Variants in CNTNAP2 observed in about 807,000 individuals in gnomAD.
CNTNAP2 encodes contactin associated protein 2, also known as contactin-associated protein-like 2.
CNTNAP2 carries 98 observed loss-of-function variants against 155.2 expected under a neutral mutation model. That is an observed-to-expected ratio of 0.63 (90% CI 0.54 to 0.75). The LOEUF (loss-of-function observed/expected upper bound fraction) is 0.75. Among genes scored for constraint, CNTNAP2 ranks in the 30% least tolerant of loss-of-function variants. CNTNAP2 has a pLI of 0.00. For missense variants in CNTNAP2, 1,727 were observed against 1,688.1 expected (o/e 1.02, Z -0.40); for synonymous variants, 651 against 631.2 (o/e 1.03, Z -0.47).
intron 1 of CNTNAP2, among the ~76,000 whole-genome samples, chr7:146,554,514 C>T (rs1007799890): frequency 5.9e-5 from 9 of 152,102 alleles, no homozygotes; most frequent in Non-Finnish European, 1.3e-4. Flanking sequence ...CTACAAATTC[C>T]TCAAAAGTCC....
chr7:147,028,473 C>T (rs573610608), intron 3 of CNTNAP2, among the ~76,000 whole-genome samples: 3 of 151,916 alleles, frequency 2.0e-5, no homozygotes, highest in South Asian at 4.2e-4. Flanking sequence ...GAGTTGAGGC[C>T]GAGAGAGATG....
At chr7:146,376,648 C>G (rs1795307974) in intron 1 of CNTNAP2, among the ~76,000 whole-genome samples, 1 of 152,040 alleles carries the variant, frequency 6.6e-6, no homozygotes, top group South Asian at 2.1e-4. Flanking sequence ...GTATATTTCT[C>G]ATGCCCCATG....
intron 12 of CNTNAP2, among the ~76,000 whole-genome samples, chr7:147,620,123 G>C (rs1453738292): frequency 6.6e-6 from 1 of 152,236 alleles, no homozygotes; most frequent in Non-Finnish European, 1.5e-5. Flanking sequence ...GCATTACTGG[G>C]CTTGGGGTGC....
chr7:148,375,692 A>G (rs934211413), intron 21 of CNTNAP2, among the ~76,000 whole-genome samples: 35 of 151,940 alleles, frequency 2.3e-4, no homozygotes, highest in South Asian at 1.0e-3. Flanking sequence ...ACTAGCAATC[A>G]TAAGTTTTTT....
Position 148,413,448 on chromosome 7 carries a change from T to TA in CNTNAP2, c.3797-1969_3797-1968insA, listed in dbSNP as rs1563079571. Among the ~76,000 whole-genome samples the TA allele has an allele frequency of 3.9e-5, 4 of 101,472 alleles. 1 individual carries two copies. Among genetic ancestry groups the TA allele is most frequent in the African/African-American group, 1.7e-4 (4 of 23,110 alleles). The allele number at this position is 101,472 out of a possible 152,430, so 66.6% of individuals were successfully genotyped here. A position where few individuals can be genotyped will look rare whatever the true frequency, so the allele number is the denominator to read the frequency against. ...TATATATATATATATATATATATAT[T>TA]GCTCCATAGTTTTCTTGTAACATTT... is the stretch of plus-strand genomic sequence containing the variant. On this transcript the variant is annotated intron_variant, in intron 23 of 23. Coordinates refer to ENST00000361727, the MANE Select transcript of CNTNAP2 (RefSeq NM_014141.6).
chr7:147,366,649 G>A (rs539562736), intron 9 of CNTNAP2, among the ~76,000 whole-genome samples: 37 of 151,652 alleles, frequency 2.4e-4, no homozygotes, highest in African/African-American at 5.8e-4. Flanking sequence ...CTTCTCTTCC[G>A]TTGCATCTCA....
intron 13 of CNTNAP2, among the ~76,000 whole-genome samples, chr7:147,891,976 G>T (rs1455990553): frequency 6.6e-6 from 1 of 152,022 alleles, no homozygotes; most frequent in Non-Finnish European, 1.5e-5. Flanking sequence ...CAACAAAGTC[G>T]ATTTTTTTAA....
At chr7:146,940,346 G>T (rs936673841) in intron 3 of CNTNAP2, among the ~76,000 whole-genome samples, 61 of 151,954 alleles carry the variant, frequency 4.0e-4, no homozygotes, top group African/African-American at 1.4e-3. Flanking sequence ...ACAGTCGCCC[G>T]CCACCACGTC....
intron 1 of CNTNAP2, among the ~76,000 whole-genome samples, chr7:146,525,561 TATCTATCTATCTATCTCTCTATCTATC>T (rs1283709596): frequency 1.9e-3 from 274 of 148,098 alleles, no homozygotes; most frequent in African/African-American, 6.8e-3. Context: ...TCTATCTATC[TATCTATCTATCTATCTCTCTATCTATC>T]ATCTATCTAT....
At chr7:147,261,573 C>T (rs1329863210) in intron 8 of CNTNAP2, among the ~76,000 whole-genome samples, 2 of 151,068 alleles carry the variant, frequency 1.3e-5, no homozygotes, top group East Asian at 3.9e-4. Flanking sequence ...AAAAAACCTA[C>T]CATGAAGAAC....
At chr7:148,056,398 C>T (rs1424301025) in intron 15 of CNTNAP2, 1 of 152,094 alleles carries the variant, frequency 6.6e-6, no homozygotes, top group Non-Finnish European at 1.5e-5. Context: ...ACTTTCTGAC[C>T]CCTAAAAGTG....
chr7:148,192,542 C>T (rs1270927733), intron 18 of CNTNAP2, among the ~76,000 whole-genome samples: 1 of 146,938 alleles, frequency 6.8e-6, no homozygotes, highest in African/African-American at 2.5e-5. Context: ...AAAAAAAAAA[C>T]AAAAAACAAA....
In CNTNAP2 at chr7:147,043,913, C is replaced by T. The variant is rs868783000; in HGVS notation, c.409C>T (p.Pro137Ser). 6.2e-7 allele frequency: 1 copy of T among 1,614,108 alleles called. No homozygotes were observed. The highest frequency in any genetic ancestry group is 8.5e-7 in the Non-Finnish European group (1 of 1,179,984). ...ATACTATTTCCTTTTCCAGGCATTT[C>T]CCGGAAACATTAACTCTGACGGTGT... ...YHQDGNIWAFPGNINSDGVVR... is the reference protein window; with the variant it reads ...YHQDGNIWAFSGNINSDGVVR... The change falls in exon 4 of 24, where the codon CCC becomes TCC. Residue 137 changes from proline (P) to serine (S), a missense_variant. Physicochemically the swap from Pro to Ser is moderately conservative, Grantham distance 74 (BLOSUM62 -1). Coordinates refer to ENST00000361727, the MANE Select transcript of CNTNAP2 (RefSeq NM_014141.6).
At chr7:146,401,730 C>T (rs550283745) in intron 1 of CNTNAP2, among the ~76,000 whole-genome samples, 1 of 152,126 alleles carries the variant, frequency 6.6e-6, no homozygotes, top group Non-Finnish European at 1.5e-5. Context: ...TGAAATTTTG[C>T]AAGATGCGTT....
At chr7:147,260,023 G>A (rs889918935) in intron 8 of CNTNAP2, among the ~76,000 whole-genome samples, 9 of 152,170 alleles carry the variant, frequency 5.9e-5, no homozygotes, top group South Asian at 4.1e-4. Flanking sequence ...TGTTGGAGAC[G>A]ACTGGCAAGT....
At chr7:147,274,558 A>G (rs1804850720) in intron 8 of CNTNAP2, among the ~76,000 whole-genome samples, 1 of 152,066 alleles carries the variant, frequency 6.6e-6, no homozygotes, top group Admixed American at 6.6e-5. Context: ...AGTTCTTTGT[A>G]GATTCTGGAC....
At position 146,669,145 on chromosome 7, in the gene CNTNAP2, A is replaced by G. The variant is rs184935140; in HGVS notation, c.98-105126A>G. ...TTATGCCACTAATTAAAAAATTCAG[A>G]AACTTTATGACAACTTTCATCTCTC... On this transcript the variant is annotated intron_variant, in intron 1 of 23. Transcript: ENST00000361727. Among the ~76,000 whole-genome samples the G allele has an allele frequency of 4.8e-3, 726 of 152,286 alleles. 2 individuals carry two copies. The highest frequency in any genetic ancestry group is 8.1e-3 in the Non-Finnish European group (554 of 67,996).
intron 14 of CNTNAP2, among the ~76,000 whole-genome samples, chr7:147,933,263 T>A (rs1027525909): frequency 6.6e-6 from 1 of 152,130 alleles, no homozygotes; most frequent in Non-Finnish European, 1.5e-5. Flanking sequence ...CTGTATAGAA[T>A]GTTCTCAAAA....
intron 1 of CNTNAP2, among the ~76,000 whole-genome samples, chr7:146,722,411 G>T (rs1801354236): frequency 6.6e-6 from 1 of 152,122 alleles, no homozygotes; most frequent in Admixed American, 6.5e-5. Flanking sequence ...CTAACATGTT[G>T]TAGTAGTGGC....
Sources: allele counts gnomAD v4.1 joint callset (sites outside exome capture counted in the v4.1 genomes callset), GRCh38; gene constraint gnomAD v4.1.1; transcripts MANE v1.5; gene names NCBI Gene and HGNC (gene_info 2026-07-23, HGNC 2026-07-21).